NEO1: variants seen among roughly 807,000 people sequenced by gnomAD.
NEO1 encodes neogenin 1.
Under a neutral mutation model 159.7 loss-of-function variants are expected in NEO1, and 63 were observed. That is an observed-to-expected ratio of 0.39 (90% CI 0.32 to 0.49). NEO1 has a LOEUF of 0.49. Among genes scored for constraint, NEO1 ranks in the 20% least tolerant of loss-of-function variants. The pLI is 0.85. For missense variants in NEO1, 1,615 were observed against 1,831.0 expected, an observed-to-expected ratio of 0.88 and a Z score of 2.15; for synonymous variants, 633 against 662.0, an observed-to-expected ratio of 0.96 and a Z score of 0.67.
intron 5 of NEO1, among the ~76,000 whole-genome samples, chr15:73,144,518 C>T (rs2032715125): frequency 6.6e-6 from 1 of 152,246 alleles, no homozygotes; most frequent in Non-Finnish European, 1.5e-5. Context: ...TATTTCTTTG[C>T]CCGTTCCTTT....
intron 1 of NEO1, among the ~76,000 whole-genome samples, chr15:73,098,090 C>A (rs1412776889): frequency 6.6e-6 from 1 of 151,526 alleles, no homozygotes; most frequent in Non-Finnish European, 1.5e-5. Flanking sequence ...ACAACACACA[C>A]ACACACACAC....
intron 7 of NEO1, among the ~76,000 whole-genome samples, chr15:73,179,357 T>G: frequency 6.6e-6 from 1 of 152,146 alleles, no homozygotes; most frequent in Non-Finnish European, 1.5e-5. Context: ...GGTGTAACCA[T>G]GGTTTACTGG....
At chr15:73,140,688 A>C (rs2032295675) in intron 5 of NEO1, among the ~76,000 whole-genome samples, 1 of 152,218 alleles carries the variant, frequency 6.6e-6, no homozygotes, top group African/African-American at 2.4e-5. Context: ...CTTACTGGGA[A>C]TAATTCAAAT....
At chr15:73,092,916 T>G (rs2069777208) in intron 1 of NEO1, among the ~76,000 whole-genome samples, 2 of 152,222 alleles carry the variant, frequency 1.3e-5, no homozygotes, top group African/African-American at 4.8e-5. Flanking sequence ...TTTTCTCAGT[T>G]TTTAGTTTTT....
intron 8 of NEO1, among the ~76,000 whole-genome samples, chr15:73,242,903 T>C (rs1160523267): frequency 6.6e-6 from 1 of 152,032 alleles, no homozygotes. Flanking sequence ...AATATCCGCT[T>C]ATACGTGGAC....
chr15:73,228,428 A>G (rs1393596205), intron 7 of NEO1, among the ~76,000 whole-genome samples: 3 of 147,954 alleles, frequency 2.0e-5, no homozygotes, highest in Non-Finnish European at 4.5e-5. Context: ...TGTTTTCTTA[A>G]TGAGTTGTAA....
chr15:73,080,416 C>T (rs1363349317), intron 1 of NEO1, among the ~76,000 whole-genome samples: 1 of 152,128 alleles, frequency 6.6e-6, no homozygotes, highest in Non-Finnish European at 1.5e-5. Context: ...GCCCTGGATC[C>T]CCTCACTTGC....
chr15:73,250,239 A>G (rs1040264658), intron 11 of NEO1, among the ~76,000 whole-genome samples: 6 of 152,134 alleles, frequency 3.9e-5, no homozygotes, highest in African/African-American at 1.4e-4. Context: ...TTTTCGAACT[A>G]CAGCTTGCCA....
chr15:73,302,405 A>G (rs961112764), intron 28 of NEO1, among the ~76,000 whole-genome samples: 9 of 152,156 alleles, frequency 5.9e-5, no homozygotes, highest in Admixed American at 5.2e-4. Flanking sequence ...GTTGGGAGAA[A>G]GGCATTGTGC....
intron 14 of NEO1, chr15:73,259,241 C>T (rs1279223091): frequency 5.3e-6 from 1 of 189,904 alleles, no homozygotes. Context: ...GACACCTTGC[C>T]CTTTTTCTCA....
At chr15:73,221,927 CT>C (rs1330042418) in intron 7 of NEO1, 6 of 156,604 alleles carry the variant, frequency 3.8e-5, no homozygotes, top group South Asian at 2.0e-4. Context: ...GCACGGTGCG[CT>C]GCACCCACTG....
chr15:73,176,308 A>C (rs559277328), intron 5 of NEO1, 95 bp from the exon 6 acceptor site: 1 of 838,944 alleles, frequency 1.2e-6, no homozygotes, highest in African/African-American at 1.7e-5. Flanking sequence ...ATGAGTAAAA[A>C]TCCTGTGGAT....
At chr15:73,258,103 C>G (rs1176053341) in intron 13 of NEO1, among the ~76,000 whole-genome samples, 2 of 152,152 alleles carry the variant, frequency 1.3e-5, no homozygotes, top group Non-Finnish European at 2.9e-5. Flanking sequence ...ATAGACTTTT[C>G]TATGTGCATG....
intron 24 of NEO1, 128 bp downstream of exon 24, chr15:73,288,679 A>G (rs1032297514): frequency 5.2e-6 from 4 of 763,460 alleles, no homozygotes; most frequent in African/African-American, 3.5e-5. Flanking sequence ...AGAAATGTGT[A>G]TGATAAGATT....
chr15:73,166,453 C>T (rs932807967), intron 5 of NEO1, among the ~76,000 whole-genome samples: 1 of 152,116 alleles, frequency 6.6e-6, no homozygotes, highest in Non-Finnish European at 1.5e-5. Flanking sequence ...TTGCAGGGCA[C>T]CAAACAAGGA....
intron 8 of NEO1, 67 bp downstream of exon 8, chr15:73,236,573 C>G: frequency 6.9e-7 from 1 of 1,445,772 alleles, no homozygotes; most frequent in Non-Finnish European, 9.7e-7. Context: ...CATGCTCACC[C>G]TGGCTCTTGG....
At chr15:73,072,418 T>C (rs2068581867) in intron 1 of NEO1, among the ~76,000 whole-genome samples, 2 of 152,328 alleles carry the variant, frequency 1.3e-5, no homozygotes, top group Non-Finnish European at 2.9e-5. Context: ...GAAAAGGTCA[T>C]CTGAAAGTCT....
chr15:73,288,167 G>A, intron 23 of NEO1, 146 bp from the exon 24 acceptor site: 1 of 675,828 alleles, frequency 1.5e-6, no homozygotes, highest in African/African-American at 1.8e-5. Context: ...TGTTGTTGTT[G>A]TTGTTGGGGG....
intron 7 of NEO1, among the ~76,000 whole-genome samples, chr15:73,217,400 C>A (rs2037957929): frequency 6.7e-6 from 1 of 148,628 alleles, no homozygotes; most frequent in African/African-American, 2.5e-5. Flanking sequence ...TTAGGATTGA[C>A]TTGGCGATGC....
Sources: gnomAD v4.1 joint callset for allele counts (sites outside exome capture counted in the v4.1 genomes callset) on GRCh38, gnomAD v4.1.1 for gene constraint, MANE v1.5 for transcripts, NCBI Gene and HGNC (gene_info 2026-07-23, HGNC 2026-07-21) for gene names.